ZNF385D: variants seen among roughly 807,000 people sequenced by gnomAD.
ZNF385D encodes zinc finger protein 659.
ZNF385D carries 15 observed loss-of-function variants against 35.8 expected under a neutral mutation model. The ratio of observed to expected loss-of-function variants is 0.42; its 90% confidence interval spans 0.28 to 0.64. The LOEUF (loss-of-function observed/expected upper bound fraction) is 0.64, where lower values mean the gene tolerates loss of function less well. Ranked by LOEUF, ZNF385D falls within the 30% of genes least tolerant of loss-of-function variation. The pLI is 0.23. For missense variants in ZNF385D, 474 were observed against 494.6 expected (o/e 0.96, Z 0.39); for synonymous variants, 212 against 186.8 (o/e 1.13, Z -1.10).
intron 3 of ZNF385D, among the ~76,000 whole-genome samples, chr3:22,033,950 C>G (rs1295369357): frequency 1.3e-5 from 2 of 152,170 alleles, no homozygotes; most frequent in Admixed American, 6.5e-5. Context: ...TGCTGAGCAA[C>G]TACTTTCTCC....
chr3:21,783,147 A>G (rs1440203262), intron 3 of ZNF385D, among the ~76,000 whole-genome samples: 1 of 152,116 alleles, frequency 6.6e-6, no homozygotes, highest in Non-Finnish European at 1.5e-5. Flanking sequence ...GATAAATTCT[A>G]TTTATGAACT....
chr3:21,897,410 G>A (rs1048424578), intron 3 of ZNF385D, among the ~76,000 whole-genome samples: 1 of 152,150 alleles, frequency 6.6e-6, no homozygotes, highest in Non-Finnish European at 1.5e-5. Context: ...CTCATGACTA[G>A]CTGCAAAATC....
chr3:21,653,158 C>T (rs772230354), intron 2 of ZNF385D, among the ~76,000 whole-genome samples: 44 of 152,188 alleles, frequency 2.9e-4, no homozygotes, highest in Non-Finnish European at 4.9e-4. Context: ...AATTCTATTA[C>T]ATTTTGCAAC....
At chr3:21,491,764 A>G (rs1191200650) in intron 4 of ZNF385D, among the ~76,000 whole-genome samples, 2 of 152,168 alleles carry the variant, frequency 1.3e-5, no homozygotes, top group Non-Finnish European at 2.9e-5. Context: ...AATACTTACT[A>G]CATGATCCCT....
At chr3:22,164,509 G>T (rs1368575107) in intron 3 of ZNF385D, among the ~76,000 whole-genome samples, 1 of 151,650 alleles carries the variant, frequency 6.6e-6, no homozygotes, top group Non-Finnish European at 1.5e-5. Flanking sequence ...TTACAGGCAT[G>T]AGCCACCATA....
intron 2 of ZNF385D, among the ~76,000 whole-genome samples, chr3:21,595,323 G>A (rs2064097706): frequency 6.6e-6 from 1 of 151,876 alleles, no homozygotes; most frequent in African/African-American, 2.4e-5. Flanking sequence ...TGGCACACCT[G>A]GGAGACAGAA....
At chr3:22,198,846 A>G (rs1237608206) in intron 2 of ZNF385D, among the ~76,000 whole-genome samples, 1 of 152,106 alleles carries the variant, frequency 6.6e-6, no homozygotes, top group Non-Finnish European at 1.5e-5. Flanking sequence ...TCTTTTAAAG[A>G]GAAATCAGCT....
At chr3:22,344,679 C>A (rs141653659) in intron 2 of ZNF385D, among the ~76,000 whole-genome samples, 1 of 152,102 alleles carries the variant, frequency 6.6e-6, no homozygotes, top group South Asian at 2.1e-4. Flanking sequence ...GCCTCTGTCT[C>A]CCAATGTGCT....
At position 21,449,086 on chromosome 3, in the gene ZNF385D, A is replaced by G. The variant is rs1213277974; in HGVS notation, c.440-11883T>C. On this transcript the variant is annotated intron_variant, in intron 4 of 7. Transcript: ENST00000281523. ...TATAAATCTAATTATTTAAGTATAT[A>G]TTTAAGAAAAAAATGACTTATTGGT... Among the ~76,000 whole-genome samples the G allele has an allele frequency of 4.6e-5, 4 of 86,502 alleles. No homozygotes were observed. The Admixed American group carries it at 5.0e-4, about 11-fold the overall frequency. 56.7% of individuals were successfully genotyped at this position (86,502 alleles called of 152,430 possible).
At chr3:21,548,879 T>G (rs2062473005) in intron 3 of ZNF385D, among the ~76,000 whole-genome samples, 1 of 152,214 alleles carries the variant, frequency 6.6e-6, no homozygotes, top group African/African-American at 2.4e-5. Context: ...CTATTGCCCT[T>G]GAAAAAGTCA....
At chr3:22,088,899 C>T (rs182506915) in intron 3 of ZNF385D, among the ~76,000 whole-genome samples, 2 of 151,722 alleles carry the variant, frequency 1.3e-5, no homozygotes, top group East Asian at 3.9e-4. Flanking sequence ...AAGAGAAGAC[C>T]GTAAGGAAGC....
intron 2 of ZNF385D, among the ~76,000 whole-genome samples, chr3:21,627,208 A>T (rs1243504613): frequency 3.3e-5 from 5 of 151,398 alleles, no homozygotes; most frequent in African/African-American, 1.2e-4. Context: ...TGGCAAAATT[A>T]AATACTGGCA....
At position 22,127,365 on chromosome 3, in the gene ZNF385D, A is replaced by T. The variant is rs577193962; in HGVS notation, c.325+41452T>A. The stretch of plus-strand genomic sequence containing the variant: ...TTTTTTTTTTTTTTTTTTGAGACAG[A>T]GTCTCACTCTGTCACCCAGGCTGGA... On this transcript the variant is annotated intron_variant, in intron 3 of 5. Transcript: ENST00000494108. Among the ~76,000 whole-genome samples the T allele has an allele frequency of 5.4e-3, 512 of 95,060 alleles. 8 individuals are homozygous for T. Among genetic ancestry groups the T allele is most frequent in the African/African-American group, 0.021 (488 of 22,890 alleles). 62.4% of individuals were successfully genotyped at this position (95,060 alleles called of 152,430 possible). A position where few individuals can be genotyped will look rare whatever the true frequency, so the allele number is the denominator to read the frequency against.
intron 3 of ZNF385D, among the ~76,000 whole-genome samples, chr3:21,852,512 C>A (rs1348319918): frequency 6.6e-6 from 1 of 151,734 alleles, no homozygotes; most frequent in Non-Finnish European, 1.5e-5. Context: ...ATCAGGAACA[C>A]GATGAATATC....
intron 1 of ZNF385D, among the ~76,000 whole-genome samples, chr3:21,700,184 G>T (rs1245048568): frequency 6.6e-6 from 1 of 152,010 alleles, no homozygotes; most frequent in African/African-American, 2.4e-5. Flanking sequence ...GAATGTCGGG[G>T]CCAGGTTGTG....
chr3:21,429,603 T>A (rs1701197294), intron 5 of ZNF385D, among the ~76,000 whole-genome samples: 1 of 152,106 alleles, frequency 6.6e-6, no homozygotes, highest in Non-Finnish European at 1.5e-5. Flanking sequence ...AATATAACTA[T>A]TTTTAAGTCT....
At chr3:21,964,107 C>T in intron 3 of ZNF385D, among the ~76,000 whole-genome samples, 1 of 151,894 alleles carries the variant, frequency 6.6e-6, no homozygotes. Context: ...CCTTCTAATT[C>T]AATCTAATAC....
intron 1 of ZNF385D, among the ~76,000 whole-genome samples, chr3:21,721,282 C>A (rs1277439464): frequency 6.6e-6 from 1 of 151,832 alleles, no homozygotes; most frequent in African/African-American, 2.4e-5. Flanking sequence ...TCAGGTAGAA[C>A]GCTGAAGCAG....
At chr3:22,252,579 C>T (rs1321030250) in intron 2 of ZNF385D, among the ~76,000 whole-genome samples, 1 of 152,022 alleles carries the variant, frequency 6.6e-6, no homozygotes, top group Non-Finnish European at 1.5e-5. Flanking sequence ...GGGTGCTGTG[C>T]ATTGTGCTAA....
Sources: gnomAD v4.1 joint callset for allele counts (sites outside exome capture counted in the v4.1 genomes callset) on GRCh38, gnomAD v4.1.1 for gene constraint, MANE v1.5 for transcripts, NCBI Gene and HGNC (gene_info 2026-07-23, HGNC 2026-07-21) for gene names.